Variants in ZNF475 observed in about 807,000 individuals in gnomAD.
ZNF475 encodes the protein zinc finger protein 475.
the ZNF475 span, among the ~76,000 whole-genome samples, chr5:122,170,776 G>C: frequency 1.3e-5 from 2 of 152,188 alleles, no homozygotes; most frequent in Admixed American, 1.3e-4. Flanking sequence ...ATCAGGCCTT[G>C]GTCATTCTGG....
At chr5:122,166,147 G>A in the ZNF475 span, among the ~76,000 whole-genome samples, 1 of 152,186 alleles carries the variant, frequency 6.6e-6, no homozygotes, top group South Asian at 2.1e-4. Flanking sequence ...GGGTAGACAA[G>A]GGCAAGCACA....
the ZNF475 span, chr5:122,179,531 T>C: frequency 3.8e-5 from 52 of 1,379,340 alleles, no homozygotes; most frequent in Non-Finnish European, 5.0e-5. Flanking sequence ...ACTCATGATT[T>C]ATTTTATGTT....
chr5:122,178,768 T>C, the ZNF475 span, among the ~76,000 whole-genome samples: 1 of 152,206 alleles, frequency 6.6e-6, no homozygotes, highest in African/African-American at 2.4e-5. Context: ...TTTTGGCTTT[T>C]GTTGCCATTG....
chr5:122,177,740 C>T, the ZNF475 span, among the ~76,000 whole-genome samples: 3 of 151,828 alleles, frequency 2.0e-5, no homozygotes, highest in Non-Finnish European at 4.4e-5. Flanking sequence ...ATCTAACAGA[C>T]ATTTTTTCTT....
the ZNF475 span, chr5:122,160,292 T>C: frequency 9.3e-6 from 12 of 1,289,582 alleles, no homozygotes; most frequent in Non-Finnish European, 1.2e-5. Context: ...TCTACATTGT[T>C]GGCTCCAGAA....
At chr5:122,175,116 C>T in the ZNF475 span, among the ~76,000 whole-genome samples, 9 of 152,270 alleles carry the variant, frequency 5.9e-5, no homozygotes, top group South Asian at 1.9e-3. Context: ...AAAAATTCCA[C>T]TTCAAATAAT....
chr5:122,179,220 C>T, the ZNF475 span, among the ~76,000 whole-genome samples: 47 of 152,070 alleles, frequency 3.1e-4, no homozygotes, highest in Admixed American at 2.6e-3. Context: ...CTTAGTTATA[C>T]GAGCTCTTTT....
the ZNF475 span, among the ~76,000 whole-genome samples, chr5:122,179,181 G>A: frequency 4.6e-5 from 7 of 152,138 alleles, no homozygotes; most frequent in African/African-American, 7.2e-5. Context: ...GCTGCTTCCA[G>A]CTTTGTTCTT....
At chr5:122,168,449 G>T in the ZNF475 span, among the ~76,000 whole-genome samples, 8 of 152,206 alleles carry the variant, frequency 5.3e-5, no homozygotes. Flanking sequence ...ATTGTATCAA[G>T]CCTGTAATCC....
the ZNF475 span, chr5:122,162,076 T>G: frequency 6.6e-6 from 1 of 152,190 alleles, no homozygotes; most frequent in Non-Finnish European, 1.5e-5. Flanking sequence ...CCTATGATTT[T>G]CAGCTTTGTA....
the ZNF475 span, among the ~76,000 whole-genome samples, chr5:122,164,881 C>G: frequency 3.3e-5 from 5 of 152,064 alleles, no homozygotes; most frequent in East Asian, 7.7e-4. Context: ...TCAGCACAAG[C>G]CAAATAGGGA....
At chr5:122,168,566 A>G in the ZNF475 span, among the ~76,000 whole-genome samples, 1 of 152,210 alleles carries the variant, frequency 6.6e-6, no homozygotes, top group Non-Finnish European at 1.5e-5. Context: ...CAAAAAAATT[A>G]GCCAGGCATG....
the ZNF475 span, among the ~76,000 whole-genome samples, chr5:122,165,675 A>G: frequency 3.3e-5 from 5 of 152,108 alleles, no homozygotes; most frequent in African/African-American, 1.2e-4. Flanking sequence ...GAATAACCTC[A>G]AATGAACACA....
the ZNF475 span, among the ~76,000 whole-genome samples, chr5:122,164,871 T>TC: frequency 6.6e-6 from 1 of 152,142 alleles, no homozygotes; most frequent in Non-Finnish European, 1.5e-5. Flanking sequence ...GTGAATGGGC[T>TC]CAGCACAAGC....
At chr5:122,168,585 C>T in the ZNF475 span, among the ~76,000 whole-genome samples, 1 of 152,164 alleles carries the variant, frequency 6.6e-6, no homozygotes, top group Non-Finnish European at 1.5e-5. Context: ...TGGCGGCCGG[C>T]GCCTGTAGTC....
chr5:122,172,178 CA>C, the ZNF475 span, among the ~76,000 whole-genome samples: 3 of 151,994 alleles, frequency 2.0e-5, no homozygotes. Context: ...TAATGTTTTT[CA>C]AAGAGGATCA....
chr5:122,179,547 C>A, the ZNF475 span: 46 of 1,466,940 alleles, frequency 3.1e-5, no homozygotes, highest in Admixed American at 3.1e-4. Flanking sequence ...ATGTTACTTG[C>A]AGCCAACAAT....
the ZNF475 span, among the ~76,000 whole-genome samples, chr5:122,181,467 T>G: frequency 6.6e-6 from 1 of 152,194 alleles, no homozygotes; most frequent in Non-Finnish European, 1.5e-5. Flanking sequence ...ACAGTGACAT[T>G]TGCTTTATCC....
chr5:122,177,048 G>T, the ZNF475 span, among the ~76,000 whole-genome samples: 1 of 152,090 alleles, frequency 6.6e-6, no homozygotes, highest in Non-Finnish European at 1.5e-5. Context: ...GGATACCCCA[G>T]TAAAGGAATA....
Sources: gnomAD v4.1 joint callset for allele counts (sites outside exome capture counted in the v4.1 genomes callset) on GRCh38, gnomAD v4.1.1 for gene constraint, MANE v1.5 for transcripts, NCBI Gene and HGNC (gene_info 2026-07-23, HGNC 2026-07-21) for gene names.